ESR1: variants seen among roughly 807,000 people sequenced by gnomAD.
The protein encoded by ESR1 is estrogen receptor.
A neutral mutation model predicts 52.7 loss-of-function variants in ESR1; 12 were observed. The ratio of observed to expected loss-of-function variants is 0.23; its 90% CI spans 0.15 to 0.37. The LOEUF is 0.37. Ranked by LOEUF, ESR1 falls within the 10% of genes least tolerant of loss-of-function variation. The pLI, the probability that ESR1 is intolerant of heterozygous loss-of-function variation, is 1.00. For missense variants in ESR1, 584 were observed against 779.7 expected (o/e 0.75, Z 2.99); for synonymous variants, 305 against 316.8 (o/e 0.96, Z 0.39).
At chr6:152,024,721 TATATA>T (rs1161611585) in intron 5 of ESR1, among the ~76,000 whole-genome samples, 4 of 147,928 alleles carry the variant, frequency 2.7e-5, no homozygotes, top group Non-Finnish European at 6.0e-5. Flanking sequence ...TTTAATATAT[TATATA>T]ATATATACAT....
In ESR1 at chr6:151,898,915, C is replaced by T. The variant is rs1254493211; in HGVS notation, c.760+18144C>T. ...GGCCCGTTCTCAATGAGCTGTTGGG[C>T]ACACCTCCCAGACGGGGTGGTGGCC... On this transcript the variant is annotated intron_variant, in intron 3 of 7. Coordinates refer to ENST00000206249, the MANE Select transcript of ESR1 (RefSeq NM_000125.4). Among the ~76,000 whole-genome samples, 4 of 152,160 alleles carry T rather than the reference C, an allele frequency of 2.6e-5. No individual in the cohort carries two copies. The East Asian group carries it at 5.8e-4, about 22-fold the overall frequency.
rs143369943 is a variant in ESR1 at position 151,775,518 on chromosome 6, C to T, written c.-70-32325C>T. ...ATCCCAGCACTTTGGGAAGCCGAAG[C>T]GGGCGGATCACAAGATCAGAAGATC... On this transcript the variant is annotated intron_variant, in intron 2 of 2. Transcript: ENST00000404742. Among the ~76,000 whole-genome samples, 11 of 152,118 alleles carry T rather than the reference C, an allele frequency of 7.2e-5. No individual in the cohort carries two copies. The East Asian group carries it at 1.2e-3, about 16-fold the overall frequency.
intron 1 of ESR1, among the ~76,000 whole-genome samples, chr6:151,659,628 C>T (rs935777304): frequency 1.3e-5 from 2 of 152,114 alleles, no homozygotes; most frequent in Non-Finnish European, 2.9e-5. Flanking sequence ...CTGTGGGTAC[C>T]GTCTGGGAAT....
chr6:151,942,493 A>G (rs6915819), intron 3 of ESR1, among the ~76,000 whole-genome samples: 22,915 of 152,040 alleles, frequency 0.15, 2,442 homozygotes, highest in African/African-American at 0.29. Context: ...CTTAAAATAT[A>G]TAGTAAGTGC....
At chr6:151,660,521 T>A (rs1403689804) in intron 1 of ESR1, among the ~76,000 whole-genome samples, 2 of 152,210 alleles carry the variant, frequency 1.3e-5, no homozygotes, top group South Asian at 4.1e-4. Flanking sequence ...CTCATCAAAA[T>A]TTTAAGCACA....
At chr6:152,036,187 T>C (rs2982711) in intron 5 of ESR1, among the ~76,000 whole-genome samples, 66,807 of 151,928 alleles carry the variant, frequency 0.44, 16,639 homozygotes, top group African/African-American at 0.67. Flanking sequence ...TGGCAAAACC[T>C]CGTCTCTACT....
chr6:152,127,950 T>A (rs529015818), exon 7 of ESR1: 1 of 152,310 alleles, frequency 6.6e-6, no homozygotes, highest in South Asian at 2.1e-4. Context: ...TCCATCTTAG[T>A]TCTCTGTAAA....
At chr6:151,951,516 A>T (rs1268033174) in intron 4 of ESR1, among the ~76,000 whole-genome samples, 3 of 152,198 alleles carry the variant, frequency 2.0e-5, no homozygotes. Context: ...TCCTGCTTGG[A>T]CATATTTAGT....
At chr6:151,980,797 G>A (rs764720531) in intron 4 of ESR1, among the ~76,000 whole-genome samples, 9 of 152,088 alleles carry the variant, frequency 5.9e-5, no homozygotes, top group Non-Finnish European at 8.8e-5. Flanking sequence ...TCCGCCTCCC[G>A]GGTTCAAGCG....
intron 1 of ESR1, among the ~76,000 whole-genome samples, chr6:151,681,426 G>T (rs1169673628): frequency 6.6e-6 from 1 of 151,792 alleles, no homozygotes; most frequent in Non-Finnish European, 1.5e-5. Context: ...AGGGGTGGGG[G>T]AGGCTCAGGG....
intron 5 of ESR1, among the ~76,000 whole-genome samples, chr6:152,021,444 C>A (rs1266447525): frequency 6.6e-6 from 1 of 152,050 alleles, no homozygotes; most frequent in African/African-American, 2.4e-5. Context: ...TCTAGAGAAC[C>A]CTGACTAATA....
chr6:152,125,283 G>A, exon 7 of ESR1: 1 of 1,550,386 alleles, frequency 6.5e-7, no homozygotes, highest in Non-Finnish European at 8.7e-7. Context: ...ACATGTAGAA[G>A]CAAAGAAGAG....
intron 3 of ESR1, among the ~76,000 whole-genome samples, chr6:151,923,071 A>G (rs1470982091): frequency 7.9e-5 from 12 of 152,178 alleles, no homozygotes; most frequent in Admixed American, 5.2e-4. Flanking sequence ...AGAATTGTTA[A>G]TCTGTACTCA....
At chr6:151,848,884 C>T (rs1045078742) in intron 2 of ESR1, among the ~76,000 whole-genome samples, 5 of 152,054 alleles carry the variant, frequency 3.3e-5, no homozygotes, top group African/African-American at 7.2e-5. Context: ...TGAAAACATT[C>T]GACATATTCT....
intron 1 of ESR1, among the ~76,000 whole-genome samples, chr6:151,669,269 G>T (rs1207767632): frequency 6.8e-6 from 1 of 147,854 alleles, no homozygotes; most frequent in South Asian, 2.3e-4. Flanking sequence ...TTCTGGAAAG[G>T]GGGTAGTGTT....
intron 2 of ESR1, among the ~76,000 whole-genome samples, chr6:151,734,421 C>T (rs1183776813): frequency 6.6e-6 from 1 of 152,070 alleles, no homozygotes; most frequent in African/African-American, 2.4e-5. Flanking sequence ...GTCTTGGCCA[C>T]CTCAGTTGCT....
chr6:151,906,653 T>C (rs1797504213), intron 3 of ESR1, among the ~76,000 whole-genome samples: 1 of 150,510 alleles, frequency 6.6e-6, no homozygotes, highest in Non-Finnish European at 1.5e-5. Flanking sequence ...CAGATATTTA[T>C]ATATTCTGAA....
chr6:152,120,481 T>C (rs936778505), intron 6 of ESR1, among the ~76,000 whole-genome samples: 1 of 152,118 alleles, frequency 6.6e-6, no homozygotes, highest in African/African-American at 2.4e-5. Context: ...TGGAACACGA[T>C]GGGTTCATGG....
At chr6:151,732,329 AC>A (rs1322637010) in intron 2 of ESR1, among the ~76,000 whole-genome samples, 2 of 152,160 alleles carry the variant, frequency 1.3e-5, no homozygotes, top group East Asian at 3.8e-4. Flanking sequence ...GTGGTCACAT[AC>A]TGTATGTGAT....
Sources: allele counts gnomAD v4.1 joint callset (sites outside exome capture counted in the v4.1 genomes callset), GRCh38; gene constraint gnomAD v4.1.1; transcripts MANE v1.5; gene names NCBI Gene and HGNC (gene_info 2026-07-23, HGNC 2026-07-21).